The following SPAG16 variants were observed in gnomAD, a reference collection of about 807,000 sequenced individuals.
SPAG16 encodes sperm-associated antigen 16 protein.
Under a neutral mutation model 80.4 loss-of-function variants are expected in SPAG16, and 86 were observed. That is an observed-to-expected ratio of 1.07 (90% confidence interval 0.90 to 1.28). The LOEUF (loss-of-function observed/expected upper bound fraction) is 1.28, where lower values mean the gene tolerates loss of function less well. Ranked by LOEUF, SPAG16 falls within the 50% of genes most tolerant of loss-of-function variation. The probability of loss-of-function intolerance (pLI) is 0.00; values close to 1 mark genes in which losing one functional copy is unlikely to be tolerated. For synonymous variants in SPAG16, 294 were observed against 265.9 expected, an observed-to-expected ratio of 1.11 and a Z score of -1.03; for missense variants, 870 against 765.3, an observed-to-expected ratio of 1.14 and a Z score of -1.61.
intron 10 of SPAG16, among the ~76,000 whole-genome samples, chr2:213,815,946 A>C (rs2072506242): frequency 6.6e-6 from 1 of 152,146 alleles, no homozygotes; most frequent in Admixed American, 6.5e-5. Flanking sequence ...AATTGGAACA[A>C]AGAATTAGGC....
At chr2:213,294,453 T>C (rs1400483361) in intron 1 of SPAG16, among the ~76,000 whole-genome samples, 1 of 152,260 alleles carries the variant, frequency 6.6e-6, no homozygotes, top group African/African-American at 2.4e-5. Context: ...GGAGGTATTT[T>C]ACTCCTTGTA....
chr2:213,338,459 C>G (rs2064498702), intron 5 of SPAG16, among the ~76,000 whole-genome samples: 1 of 152,150 alleles, frequency 6.6e-6, no homozygotes, highest in African/African-American at 2.4e-5. Context: ...GTGCTGTATT[C>G]AAGAGACCTA....
intron 10 of SPAG16, among the ~76,000 whole-genome samples, chr2:213,689,666 G>A (rs990372638): frequency 6.7e-6 from 1 of 149,890 alleles, no homozygotes; most frequent in Admixed American, 6.7e-5. Flanking sequence ...ACTGAGTTCT[G>A]AATATATTGT....
chr2:213,978,915 C>T (rs904113677), intron 12 of SPAG16, among the ~76,000 whole-genome samples: 17 of 151,458 alleles, frequency 1.1e-4, no homozygotes, highest in East Asian at 7.7e-4. Flanking sequence ...AAGAAAAAAA[C>T]GATAGGGCAT....
chr2:213,372,824 C>G (rs2066708249), intron 8 of SPAG16, among the ~76,000 whole-genome samples: 1 of 152,066 alleles, frequency 6.6e-6, no homozygotes, highest in Non-Finnish European at 1.5e-5. Flanking sequence ...TAGGGAGTGG[C>G]ACAAAGTAAG....
chr2:214,304,332 G>A (rs946871600), intron 15 of SPAG16, among the ~76,000 whole-genome samples: 37 of 152,258 alleles, frequency 2.4e-4, no homozygotes, highest in African/African-American at 7.0e-4. Flanking sequence ...TGGGTTTACC[G>A]GAATGAGGGC....
intron 15 of SPAG16, among the ~76,000 whole-genome samples, chr2:214,259,718 G>A (rs1004222729): frequency 2.6e-5 from 4 of 151,724 alleles, no homozygotes; most frequent in Non-Finnish European, 4.4e-5. Context: ...CTTTGTTTTT[G>A]TTTTCGTCTG....
At chr2:213,348,677 C>A (rs2065146778) in intron 6 of SPAG16, among the ~76,000 whole-genome samples, 2 of 152,156 alleles carry the variant, frequency 1.3e-5, no homozygotes, top group African/African-American at 4.8e-5. Flanking sequence ...GTTGAAAATT[C>A]TTTTCTTTCA....
intron 15 of SPAG16, among the ~76,000 whole-genome samples, chr2:214,160,694 C>T (rs946339326): frequency 6.6e-6 from 1 of 152,010 alleles, no homozygotes; most frequent in African/African-American, 2.4e-5. Flanking sequence ...TGTGTATGTA[C>T]GTATGTAAGT....
chr2:214,178,013 T>G (rs6722554), intron 15 of SPAG16, among the ~76,000 whole-genome samples: 26,720 of 66,670 alleles, frequency 0.4, 3,928 homozygotes, highest in South Asian at 0.54. Context: ...ATATATATAT[T>G]CATACTTTAT....
intron 8 of SPAG16, among the ~76,000 whole-genome samples, chr2:213,374,705 A>G (rs2066799901): frequency 6.6e-6 from 1 of 152,004 alleles, no homozygotes. Context: ...CTCCTCCACC[A>G]TCTTTAACTC....
chr2:213,466,896 G>A (rs2072729210), intron 9 of SPAG16, among the ~76,000 whole-genome samples: 1 of 152,194 alleles, frequency 6.6e-6, no homozygotes, highest in Non-Finnish European at 1.5e-5. Context: ...TCTGGTTGGA[G>A]GGATCCTCAA....
At chr2:214,037,883 G>A (rs1022895078) in intron 13 of SPAG16, among the ~76,000 whole-genome samples, 175 of 149,420 alleles carry the variant, frequency 1.2e-3, no homozygotes, top group Admixed American at 1.6e-3. Context: ...GTGTGTGTGT[G>A]TGTGTGTGTG....
intron 10 of SPAG16, among the ~76,000 whole-genome samples, chr2:213,855,505 T>C (rs1575364646): frequency 6.6e-6 from 1 of 152,266 alleles, no homozygotes; most frequent in East Asian, 1.9e-4. Context: ...CATTTCACTT[T>C]GTTGCATTTC....
At chr2:214,160,300 A>G (rs921653684) in intron 15 of SPAG16, among the ~76,000 whole-genome samples, 6 of 151,824 alleles carry the variant, frequency 4.0e-5, no homozygotes, top group Non-Finnish European at 8.8e-5. Flanking sequence ...TTTTTGTTTT[A>G]TCCTTTATGC....
At position 214,206,877 on chromosome 2, in the gene SPAG16, G is replaced by A. The variant is rs573419453; in HGVS notation, c.1720+57611G>A. Among the ~76,000 whole-genome samples the A allele has an allele frequency of 2.6e-5, 4 of 152,190 alleles. No homozygotes were observed. The East Asian group carries it at 7.7e-4, about 29-fold the overall frequency. ...ATTGTAGTTTTGATTTGCATTTTTTGATGGTTAGTGATGTTGAACATTTTT... is the reference window on the plus strand; with the variant it reads ...ATTGTAGTTTTGATTTGCATTTTTTAATGGTTAGTGATGTTGAACATTTTT... On this transcript the variant is annotated intron_variant, in intron 15 of 15. Coordinates refer to ENST00000331683, the MANE Select transcript of SPAG16 (RefSeq NM_024532.5).
intron 13 of SPAG16, among the ~76,000 whole-genome samples, chr2:214,026,000 A>T (rs1272088721): frequency 6.6e-6 from 1 of 151,552 alleles, no homozygotes; most frequent in Non-Finnish European, 1.5e-5. Flanking sequence ...AGGGAAATTG[A>T]CAATGTAAGA....
At chr2:214,127,153 T>G (rs2054535175) in intron 14 of SPAG16, among the ~76,000 whole-genome samples, 1 of 151,758 alleles carries the variant, frequency 6.6e-6, no homozygotes. Context: ...CTTCTCTAAT[T>G]GTCAATCCCT....
At chr2:213,701,237 C>G (rs577782170) in intron 10 of SPAG16, among the ~76,000 whole-genome samples, 2 of 135,262 alleles carry the variant, frequency 1.5e-5, no homozygotes, top group African/African-American at 2.9e-5. Flanking sequence ...GAGATTCCAT[C>G]TAAAAAAATA....
Sources: gnomAD v4.1 joint callset for allele counts (sites outside exome capture counted in the v4.1 genomes callset) on GRCh38, gnomAD v4.1.1 for gene constraint, MANE v1.5 for transcripts, NCBI Gene and HGNC (gene_info 2026-07-23, HGNC 2026-07-21) for gene names.